KCNIP4: variants seen among roughly 807,000 people sequenced by gnomAD.
KCNIP4 encodes Kv channel-interacting protein 4.
KCNIP4 carries 12 observed loss-of-function variants against 34.0 expected under a neutral mutation model. The observed-to-expected ratio is 0.35, with a 90% CI of 0.23 to 0.57. The LOEUF is 0.57. Among genes scored for constraint, KCNIP4 ranks in the 20% least tolerant of loss-of-function variants. The pLI, the probability that KCNIP4 is intolerant of heterozygous loss-of-function variation, is 0.83. For missense variants in KCNIP4, 238 were observed against 311.7 expected (o/e 0.76, Z 1.78); for synonymous variants, 124 against 102.2 (o/e 1.21, Z -1.29).
At chr4:21,440,741 C>A (rs532584162) in intron 1 of KCNIP4, among the ~76,000 whole-genome samples, 5 of 152,144 alleles carry the variant, frequency 3.3e-5, no homozygotes, top group Non-Finnish European at 5.9e-5. Context: ...ATATCAGAAT[C>A]ATTTTTATAT....
chr4:21,543,520 C>G lies in KCNIP4; in HGVS notation c.61+405051G>C, dbSNP rs1323353791. 2.6e-5 allele frequency among the ~76,000 whole-genome samples: 4 copies of G among 152,102 alleles called. No individual in the cohort carries two copies. In the East Asian group the frequency reaches 7.7e-4, roughly 29 times the overall value. On this transcript the variant is annotated intron_variant, in intron 1 of 8. Coordinates refer to ENST00000382152, the MANE Select transcript of KCNIP4 (RefSeq NM_025221.6). ...GGTATTAGATGATGTAAGTAAACTT[C>G]AAAGCCAATTCAAAAACAGGGACCT...
At chr4:20,739,680 C>A (rs376487083) in intron 5 of KCNIP4, among the ~76,000 whole-genome samples, 1 of 152,132 alleles carries the variant, frequency 6.6e-6, no homozygotes, top group South Asian at 2.1e-4. Flanking sequence ...AATCAGAGAA[C>A]CTCTTCTCCA....
chr4:21,648,903 T>C (rs554301973), intron 1 of KCNIP4, among the ~76,000 whole-genome samples: 1 of 152,214 alleles, frequency 6.6e-6, no homozygotes, highest in African/African-American at 2.4e-5. Flanking sequence ...GTTTGCTTTA[T>C]GATATATACT....
In KCNIP4 at chr4:20,808,692, G is replaced by A. The variant is rs74479183; in HGVS notation, c.288+41851C>T. Among the ~76,000 whole-genome samples the A allele has an allele frequency of 7.4e-3, 1,121 of 152,214 alleles. 9 individuals carry two copies. Among genetic ancestry groups the A allele is most frequent in the African/African-American group, 0.026 (1,069 of 41,538 alleles). On this transcript the variant is annotated intron_variant, in intron 3 of 8. Coordinates refer to ENST00000382152, the MANE Select transcript of KCNIP4 (RefSeq NM_025221.6). The stretch of plus-strand genomic sequence containing the variant: ...CCCACCCTTGCCCTTTGTTAAAGGA[G>A]TAGCAGTTCCATACGCTGGATGGAT...
chr4:21,259,694 G>A (rs765595190), intron 1 of KCNIP4, among the ~76,000 whole-genome samples: 4 of 152,130 alleles, frequency 2.6e-5, no homozygotes, highest in Non-Finnish European at 4.4e-5. Context: ...GGTCAGGTGG[G>A]GACGAGAGAC....
intron 1 of KCNIP4, among the ~76,000 whole-genome samples, chr4:21,311,078 G>A (rs1319490253): frequency 6.6e-6 from 1 of 152,152 alleles, no homozygotes; most frequent in Non-Finnish European, 1.5e-5. Context: ...GCTGAGATAA[G>A]TCATACAAAG....
At chr4:21,609,631 T>C (rs1743994854) in intron 1 of KCNIP4, among the ~76,000 whole-genome samples, 2 of 152,180 alleles carry the variant, frequency 1.3e-5, no homozygotes, top group South Asian at 4.1e-4. Flanking sequence ...GAAGATGATA[T>C]TTCTTAACAA....
At chr4:20,851,692 T>G (rs1354161350) in intron 2 of KCNIP4, among the ~76,000 whole-genome samples, 1 of 152,154 alleles carries the variant, frequency 6.6e-6, no homozygotes, top group African/African-American at 2.4e-5. Context: ...CTCACCAGCA[T>G]CTCTAGCATT....
chr4:21,584,430 C>A (rs1462445829), intron 1 of KCNIP4, among the ~76,000 whole-genome samples: 1 of 152,026 alleles, frequency 6.6e-6, no homozygotes, highest in East Asian at 1.9e-4. Context: ...ATAACAGAAT[C>A]ATTCTTCGAA....
chr4:21,790,395 A>G (rs1030790624), intron 1 of KCNIP4, among the ~76,000 whole-genome samples: 6 of 152,214 alleles, frequency 3.9e-5, no homozygotes, highest in African/African-American at 1.4e-4. Flanking sequence ...TCTTGTGTTT[A>G]GAGTATGTTA....
At chr4:21,689,608 A>G (rs1166402272) in intron 1 of KCNIP4, among the ~76,000 whole-genome samples, 2 of 152,200 alleles carry the variant, frequency 1.3e-5, no homozygotes, top group Non-Finnish European at 2.9e-5. Context: ...ATGATGTAAT[A>G]TATTTATATT....
chr4:21,479,307 T>C (rs906163687), intron 1 of KCNIP4, among the ~76,000 whole-genome samples: 2 of 152,174 alleles, frequency 1.3e-5, no homozygotes, highest in Non-Finnish European at 2.9e-5. Flanking sequence ...TAAAATGTAA[T>C]AAATAATGAG....
intron 1 of KCNIP4, among the ~76,000 whole-genome samples, chr4:21,322,716 T>C (rs996329810): frequency 1.3e-5 from 2 of 151,954 alleles, no homozygotes; most frequent in Admixed American, 1.3e-4. Context: ...AGCAACTAGA[T>C]GCCAAACACT....
At chr4:21,828,755 A>G (rs1164607333) in intron 1 of KCNIP4, among the ~76,000 whole-genome samples, 1 of 152,014 alleles carries the variant, frequency 6.6e-6, no homozygotes, top group Non-Finnish European at 1.5e-5. Context: ...AGAAGTATAT[A>G]TTCAATTTTA....
At chr4:21,816,334 T>C (rs1328372610) in intron 1 of KCNIP4, among the ~76,000 whole-genome samples, 2 of 152,164 alleles carry the variant, frequency 1.3e-5, no homozygotes, top group Non-Finnish European at 2.9e-5. Flanking sequence ...GATTAAACAT[T>C]ATGAATTCAA....
intron 1 of KCNIP4, among the ~76,000 whole-genome samples, chr4:21,054,394 C>T (rs538847202): frequency 2.0e-5 from 3 of 151,926 alleles, no homozygotes; most frequent in Non-Finnish European, 4.4e-5. Context: ...TGGTGGACAA[C>T]TGTAATCCCA....
intron 1 of KCNIP4, among the ~76,000 whole-genome samples, chr4:21,054,707 C>CA (rs34366909): frequency 0.16 from 14,014 of 85,850 alleles, 1,175 homozygotes; most frequent in Non-Finnish European, 0.24. Context: ...TACTCACATG[C>CA]AAAAAAAAAA....
At chr4:21,568,708 T>A (rs1423924095) in intron 1 of KCNIP4, among the ~76,000 whole-genome samples, 2 of 152,100 alleles carry the variant, frequency 1.3e-5, no homozygotes, top group East Asian at 3.9e-4. Flanking sequence ...TCTGTGGCCT[T>A]TGGCCACAGA....
intron 1 of KCNIP4, among the ~76,000 whole-genome samples, chr4:21,186,477 G>A (rs905738226): frequency 3.3e-5 from 5 of 151,962 alleles, no homozygotes; most frequent in Non-Finnish European, 5.9e-5. Flanking sequence ...AAATTCTCCT[G>A]AAGAGTATGT....
Sources: gnomAD v4.1 joint callset for allele counts (sites outside exome capture counted in the v4.1 genomes callset) on GRCh38, gnomAD v4.1.1 for gene constraint, MANE v1.5 for transcripts, NCBI Gene and HGNC (gene_info 2026-07-23, HGNC 2026-07-21) for gene names.